SAMD5: variants seen among roughly 807,000 people sequenced by gnomAD.
SAMD5 encodes sterile alpha motif domain containing 5.
A neutral mutation model predicts 11.3 loss-of-function variants in SAMD5; 13 were observed. That is an observed-to-expected ratio of 1.15 (90% CI 0.75 to 1.83). The LOEUF is 1.83. Ranked by LOEUF, SAMD5 falls within the 40% of genes most tolerant of loss-of-function variation. The pLI is 0.00. For missense variants in SAMD5, 255 were observed against 239.1 expected, an observed-to-expected ratio of 1.07 and a Z score of -0.44; for synonymous variants, 129 against 111.3, an observed-to-expected ratio of 1.16 and a Z score of -1.00.
chr6:147,545,013 GT>G (rs1034585680), intron 1 of SAMD5, among the ~76,000 whole-genome samples: 2 of 152,150 alleles, frequency 1.3e-5, no homozygotes, highest in African/African-American at 4.8e-5. Flanking sequence ...TCAGTTTTGG[GT>G]TTTTAATGGG....
chr6:147,619,465 A>ATGAGGCAGATATGTGGATACTTG (rs1789925604), intron 1 of SAMD5, among the ~76,000 whole-genome samples: 1 of 151,724 alleles, frequency 6.6e-6, no homozygotes, highest in Admixed American at 6.6e-5. Flanking sequence ...GCAGATACTC[A>ATGAGGCAGATATGTGGATACTTG]TGAGGCAGAT....
chr6:147,861,729 T>C, the SAMD5 span, among the ~76,000 whole-genome samples: 1 of 152,162 alleles, frequency 6.6e-6, no homozygotes, highest in African/African-American at 2.4e-5. Context: ...TCGGGTCCAC[T>C]TCCATACCCT....
chr6:147,552,517 G>A (rs1195034207), intron 1 of SAMD5, among the ~76,000 whole-genome samples: 2 of 152,178 alleles, frequency 1.3e-5, no homozygotes, highest in Non-Finnish European at 2.9e-5. Context: ...AAGACTCTTG[G>A]AACCTATTTG....
intron 1 of SAMD5, among the ~76,000 whole-genome samples, chr6:147,588,686 G>T (rs937615023): frequency 6.6e-6 from 1 of 151,916 alleles, no homozygotes. Flanking sequence ...TTTACTCTGT[G>T]ATGCAATTTT....
the SAMD5 span, among the ~76,000 whole-genome samples, chr6:147,882,477 G>A: frequency 6.6e-5 from 10 of 152,140 alleles, no homozygotes; most frequent in South Asian, 6.2e-4. Context: ...CTACTTAGGC[G>A]GCTGAGGCAG....
chr6:147,772,534 T>C, the SAMD5 span, among the ~76,000 whole-genome samples: 1 of 152,120 alleles, frequency 6.6e-6, no homozygotes, highest in African/African-American at 2.4e-5. Context: ...TCCTCACTGT[T>C]CTAGAGGCTA....
At chr6:147,599,790 C>T (rs987618427) in intron 1 of SAMD5, among the ~76,000 whole-genome samples, 1 of 152,188 alleles carries the variant, frequency 6.6e-6, no homozygotes, top group African/African-American at 2.4e-5. Flanking sequence ...TGGTCATTGG[C>T]TGTTTCTCAG....
the SAMD5 span, among the ~76,000 whole-genome samples, chr6:147,899,170 C>CAAA: frequency 5.3e-4 from 33 of 62,552 alleles, no homozygotes; most frequent in East Asian, 1.1e-3. Flanking sequence ...GACTCTGTCT[C>CAAA]AAAAAAAAAA....
chr6:147,584,490 A>C (rs1293673666), intron 1 of SAMD5, among the ~76,000 whole-genome samples: 1 of 152,186 alleles, frequency 6.6e-6, no homozygotes, highest in Non-Finnish European at 1.5e-5. Flanking sequence ...GGCTCAGCCC[A>C]TGTCCTCCCC....
At chr6:147,587,276 T>C (rs1276188480) in intron 1 of SAMD5, among the ~76,000 whole-genome samples, 1 of 152,170 alleles carries the variant, frequency 6.6e-6, no homozygotes, top group Non-Finnish European at 1.5e-5. Flanking sequence ...TTCACGCTGT[T>C]GTCCAGGCTG....
At chr6:147,791,363 A>G in the SAMD5 span, among the ~76,000 whole-genome samples, 60 of 152,280 alleles carry the variant, frequency 3.9e-4, 1 homozygote, top group South Asian at 0.012. Flanking sequence ...CTGTCTATGC[A>G]TCTTGATTTT....
intron 1 of SAMD5, among the ~76,000 whole-genome samples, chr6:147,633,141 C>G (rs974860413): frequency 6.6e-6 from 1 of 152,090 alleles, no homozygotes; most frequent in African/African-American, 2.4e-5. Context: ...AAAAATAGAC[C>G]ACGTTATTCA....
At chr6:147,816,301 A>AAAATATATATATAT in the SAMD5 span, among the ~76,000 whole-genome samples, 41 of 66,338 alleles carry the variant, frequency 6.2e-4, no homozygotes, top group African/African-American at 9.2e-4. Context: ...AAAAAAAAAA[A>AAAATATATATATAT]ATATATATAT....
At chr6:147,786,260 G>A in the SAMD5 span, among the ~76,000 whole-genome samples, 3 of 152,022 alleles carry the variant, frequency 2.0e-5, no homozygotes, top group Non-Finnish European at 4.4e-5. Flanking sequence ...TAGTTTTGAT[G>A]GATTGCCTAT....
the SAMD5 span, among the ~76,000 whole-genome samples, chr6:147,780,246 C>T: frequency 6.6e-6 from 1 of 151,630 alleles, no homozygotes; most frequent in South Asian, 2.1e-4. Context: ...TGTCACCTGT[C>T]CCCCAGGCTG....
At chr6:147,870,639 C>T in the SAMD5 span, among the ~76,000 whole-genome samples, 17 of 151,252 alleles carry the variant, frequency 1.1e-4, no homozygotes, top group East Asian at 3.1e-3. Context: ...TATTTGTTAA[C>T]TTGAATAAAA....
the SAMD5 span, among the ~76,000 whole-genome samples, chr6:147,807,288 A>ACTTTTT: frequency 1.3e-5 from 2 of 151,966 alleles, no homozygotes; most frequent in Non-Finnish European, 2.9e-5. Flanking sequence ...TACTTTTAGT[A>ACTTTTT]GAGACAGGGT....
At chr6:147,934,727 A>G in the SAMD5 span, among the ~76,000 whole-genome samples, 1 of 152,102 alleles carries the variant, frequency 6.6e-6, no homozygotes, top group African/African-American at 2.4e-5. Flanking sequence ...GTCCATAGGC[A>G]TTATCCCTCA....
At chr6:147,743,416 T>A in the SAMD5 span, 1 of 151,540 alleles carries the variant, frequency 6.6e-6, no homozygotes, top group Admixed American at 6.6e-5. Context: ...GGCAGGAGAA[T>A]GGCGTGAACC....
Sources: gnomAD v4.1 joint callset for allele counts (sites outside exome capture counted in the v4.1 genomes callset) on GRCh38, gnomAD v4.1.1 for gene constraint, MANE v1.5 for transcripts, NCBI Gene and HGNC (gene_info 2026-07-23, HGNC 2026-07-21) for gene names.